Variants in PCDHGA10 observed in about 807,000 individuals in gnomAD.
The protein encoded by PCDHGA10 is protocadherin gamma-A10.
A neutral mutation model predicts 59.5 loss-of-function variants in PCDHGA10; 42 were observed. That is an observed-to-expected ratio of 0.71 (90% CI 0.55 to 0.91). The LOEUF (loss-of-function observed/expected upper bound fraction) is 0.91, where lower values mean the gene tolerates loss of function less well. Ranked by LOEUF, PCDHGA10 falls within the 40% of genes least tolerant of loss-of-function variation. The pLI is 0.00. For synonymous variants in PCDHGA10, 511 were observed against 517.2 expected (o/e 0.99, Z 0.16); for missense variants, 1,111 against 1,198.2 (o/e 0.93, Z 1.07).
At chr5:141,494,680 C>A in intron 1 of PCDHGA10, 127 bp from the exon 2 acceptor site, 1 of 1,560,094 alleles carries the variant, frequency 6.4e-7, no homozygotes, top group Non-Finnish European at 8.7e-7. Flanking sequence ...CCACCCCTGC[C>A]CCCTCTTAGT....
chr5:141,501,706 T>TA (rs2099810629), intron 2 of PCDHGA10, among the ~76,000 whole-genome samples: 1 of 152,094 alleles, frequency 6.6e-6, no homozygotes, highest in South Asian at 2.1e-4. Flanking sequence ...ATTCCGAGGA[T>TA]AAAAAAGACA....
intron 1 of PCDHGA10, chr5:141,419,330 C>T: frequency 1.2e-6 from 2 of 1,613,956 alleles, no homozygotes; most frequent in South Asian, 1.1e-5. Flanking sequence ...CTCCTACTCT[C>T]TCATTGCCAG....
chr5:141,488,807 C>G (rs2099679535), intron 1 of PCDHGA10, among the ~76,000 whole-genome samples: 1 of 152,170 alleles, frequency 6.6e-6, no homozygotes, highest in Non-Finnish European at 1.5e-5. Flanking sequence ...TGAGTACCAT[C>G]TGAGCTGTCA....
intron 2 of PCDHGA10, among the ~76,000 whole-genome samples, chr5:141,496,054 G>A (rs180707408): frequency 6.6e-6 from 1 of 150,988 alleles, no homozygotes; most frequent in Admixed American, 6.6e-5. Context: ...TTTTGTGCTT[G>A]TGGGCAAGCC....
In PCDHGA10 at chr5:141,486,397, G is replaced by T; in HGVS notation, c.2437-8410G>T. 6.2e-7 allele frequency: 1 copy of T among 1,614,164 alleles called. No individual in the cohort carries two copies. Among genetic ancestry groups the T allele is most frequent in the East Asian group, 2.2e-5 (1 of 44,872 alleles). On this transcript the variant is annotated intron_variant, in intron 1 of 3. Coordinates refer to ENST00000398610, the MANE Select transcript of PCDHGA10 (RefSeq NM_018913.3). The surrounding 1 kb of genome is among the most constrained non-coding windows in gnomAD (Gnocchi z 5.0). ...CCTTCAGGAACCAGTTCTCCCTGGTGACTGCTGGACCCTTGGATCGAGAGG... is the reference window on the plus strand; with the variant it reads ...CCTTCAGGAACCAGTTCTCCCTGGTTACTGCTGGACCCTTGGATCGAGAGG...
intron 1 of PCDHGA10, chr5:141,422,556 G>A: frequency 6.2e-7 from 1 of 1,613,908 alleles, no homozygotes; most frequent in Non-Finnish European, 8.5e-7. Flanking sequence ...GGCTGAATGT[G>A]GCAGATGACA....
At chr5:141,507,680 A>C (rs73794928) in intron 3 of PCDHGA10, among the ~76,000 whole-genome samples, 2,806 of 152,362 alleles carry the variant, frequency 0.018, 91 homozygotes, top group African/African-American at 0.063. Flanking sequence ...GATGTTAAAA[A>C]CAGAAATGAA....
In PCDHGA10 at chr5:141,491,778, C is replaced by T. The variant is rs568710854; in HGVS notation, c.2437-3029C>T. 3.1e-4 allele frequency: 482 copies of T among 1,547,678 alleles called. No homozygotes were observed. The highest frequency in any genetic ancestry group is 2.2e-3 in the Middle Eastern group (13 of 5,890). On this transcript the variant is annotated intron_variant, in intron 1 of 3. Transcript: ENST00000398610. This position sits in a 1 kb window ranked among gnomAD's most constrained non-coding sequence, Gnocchi z 6.9. Reference sequence around the variant, plus strand: ...CCGCCCGTCCTCATAAGGGATTGAACTTGCATCCACTCCTCTCCGGCCGGC... The same window carrying T: ...CCGCCCGTCCTCATAAGGGATTGAATTTGCATCCACTCCTCTCCGGCCGGC...
chr5:141,433,802 A>G (rs2097651656), intron 1 of PCDHGA10, among the ~76,000 whole-genome samples: 1 of 149,280 alleles, frequency 6.7e-6, no homozygotes, highest in Non-Finnish European at 1.5e-5. Flanking sequence ...GTGCCATTGC[A>G]CTCCAGCCTG....
intron 1 of PCDHGA10, among the ~76,000 whole-genome samples, chr5:141,442,921 CATTTTCTA>C (rs1366534082): frequency 6.6e-6 from 1 of 152,196 alleles, no homozygotes. Context: ...ACAACTGTTT[CATTTTCTA>C]TTTAAGAAAC....
Position 141,476,540 on chromosome 5 carries a change from T to C in PCDHGA10, c.2437-18267T>C, listed in dbSNP as rs148362631. On this transcript the variant is annotated intron_variant, in intron 1 of 3. Coordinates refer to ENST00000398610, the MANE Select transcript of PCDHGA10 (RefSeq NM_018913.3). The surrounding 1 kb of genome is among the most constrained non-coding windows in gnomAD (Gnocchi z 7.6). Reference sequence around the variant, plus strand: ...TGCTTTCCCTACCCAGGAAATGAAATTGGAGATTAGCGAGGCCGTGGCTCC... The same window carrying C: ...TGCTTTCCCTACCCAGGAAATGAAACTGGAGATTAGCGAGGCCGTGGCTCC... 9.4e-5 allele frequency: 151 copies of C among 1,614,122 alleles called. 1 individual carries two copies. In the African/African-American group the frequency reaches 1.3e-3, roughly 14 times the overall value.
At chr5:141,423,591 A>G in intron 1 of PCDHGA10, 1 of 1,613,312 alleles carries the variant, frequency 6.2e-7, no homozygotes, top group South Asian at 1.1e-5. Context: ...GCTGTGAGAA[A>G]AGCGAGCCAC....
At chr5:141,471,801 CAT>C (rs1165290367) in intron 1 of PCDHGA10, among the ~76,000 whole-genome samples, 1 of 152,114 alleles carries the variant, frequency 6.6e-6, no homozygotes, top group African/African-American at 2.4e-5. Context: ...ATATAAAAGA[CAT>C]ATAAAAGACT....
chr5:141,421,054 A>C, intron 1 of PCDHGA10: 2 of 571,978 alleles, frequency 3.5e-6, no homozygotes, highest in Non-Finnish European at 6.0e-6. Context: ...CGCCTCTACC[A>C]CACAAAGCGG....
intron 1 of PCDHGA10, chr5:141,422,399 T>A: frequency 1.3e-6 from 2 of 1,598,374 alleles, no homozygotes; most frequent in Non-Finnish European, 1.7e-6. Context: ...CCTAACCACC[T>A]GCCTTTTAAA....
At chr5:141,420,558 C>T (rs1373350109) in intron 1 of PCDHGA10, 1 of 248,240 alleles carries the variant, frequency 4.0e-6, no homozygotes, top group Non-Finnish European at 7.5e-6. Flanking sequence ...TATATTTTTA[C>T]GGCATGGTAT....
intron 1 of PCDHGA10, among the ~76,000 whole-genome samples, chr5:141,470,717 A>G (rs1353989037): frequency 6.6e-6 from 1 of 152,010 alleles, no homozygotes; most frequent in Non-Finnish European, 1.5e-5. Flanking sequence ...TATTTTTTTG[A>G]GTCAGGGTCT....
chr5:141,416,053 A>T (rs2095987443), intron 1 of PCDHGA10: 1 of 181,266 alleles, frequency 5.5e-6, no homozygotes, highest in South Asian at 1.8e-4. Flanking sequence ...CACAACCCAA[A>T]TCCAAGAATA....
rs747509171 is a variant in PCDHGA10, at chr5:141,477,069, A to G, written c.2437-17738A>G. The stretch of plus-strand genomic sequence containing the variant: ...CTGGACTTCGAGGACACCAAACTCC[A>G]TGAGATTTACATCCAGGCCAAAGAC... On this transcript the variant is annotated intron_variant, in intron 1 of 3. Coordinates refer to ENST00000398610, the MANE Select transcript of PCDHGA10 (RefSeq NM_018913.3). The surrounding 1 kb of genome is among the most constrained non-coding windows in gnomAD (Gnocchi z 4.9). 7 of 1,614,246 alleles carry G rather than the reference A, an allele frequency of 4.3e-6. No homozygotes were observed. The highest frequency in any genetic ancestry group is 5.9e-6 in the Non-Finnish European group (7 of 1,180,026).
Sources: gnomAD v4.1 joint callset for allele counts (sites outside exome capture counted in the v4.1 genomes callset) on GRCh38, gnomAD v4.1.1 for gene constraint, Gnocchi (gnomAD v3.1) non-coding constraint, MANE v1.5 for transcripts, NCBI Gene and HGNC (gene_info 2026-07-23, HGNC 2026-07-21) for gene names.